DGKB: variants seen among roughly 807,000 people sequenced by gnomAD.
DGKB encodes the protein 90 kDa diacylglycerol kinase.
Under a neutral mutation model 114.3 loss-of-function variants are expected in DGKB, and 67 were observed. The observed-to-expected ratio is 0.59, with a 90% CI of 0.48 to 0.72. The LOEUF is 0.72. Among genes scored for constraint, DGKB ranks in the 30% least tolerant of loss-of-function variants. The pLI, the probability that DGKB is intolerant of heterozygous loss-of-function variation, is 0.00. For synonymous variants in DGKB, 398 were observed against 323.1 expected, an observed-to-expected ratio of 1.23 and a Z score of -2.49; for missense variants, 907 against 975.2, an observed-to-expected ratio of 0.93 and a Z score of 0.93.
At chr7:14,447,678 C>A (rs1230843159) in intron 21 of DGKB, among the ~76,000 whole-genome samples, 2 of 152,056 alleles carry the variant, frequency 1.3e-5, no homozygotes, top group African/African-American at 4.8e-5. Context: ...CCGGATCTCA[C>A]AGATGAAAAT....
chr7:14,436,351 A>G (rs1829262388), intron 21 of DGKB, among the ~76,000 whole-genome samples: 1 of 152,178 alleles, frequency 6.6e-6, no homozygotes, highest in Non-Finnish European at 1.5e-5. Context: ...TATTAAATAA[A>G]TACAGGCAAA....
chr7:14,168,323 C>T (rs1784901639), intron 25 of DGKB, among the ~76,000 whole-genome samples: 1 of 152,112 alleles, frequency 6.6e-6, no homozygotes, highest in South Asian at 2.1e-4. Flanking sequence ...TGAGACAATA[C>T]ATAAAGTGCT....
intron 21 of DGKB, among the ~76,000 whole-genome samples, chr7:14,407,895 A>G (rs1583704200): frequency 6.6e-6 from 1 of 152,158 alleles, no homozygotes; most frequent in South Asian, 2.1e-4. Context: ...AAAAAAAACC[A>G]TGATCCTCTC....
In DGKB at chr7:14,293,165, A is replaced by G. The variant is rs191585970; in HGVS notation, c.2122+45350T>C. On this transcript the variant is annotated intron_variant, in intron 23 of 25. Coordinates refer to ENST00000402815, the MANE Select transcript of DGKB (RefSeq NM_001350709.2). ...ACATGGTCAGTTTAATACATGCATT[A>G]TGTTAACAAAATTTCAATTATTGAA... Among the ~76,000 whole-genome samples, 284 of 152,296 alleles carry G rather than the reference A, an allele frequency of 1.9e-3. 1 individual carries two copies. The highest frequency in any genetic ancestry group is 6.6e-3 in the African/African-American group (275 of 41,576).
chr7:14,522,361 C>T lies in DGKB; in HGVS notation c.1771-44136G>A, dbSNP rs1197889732. 5.3e-5 allele frequency among the ~76,000 whole-genome samples: 8 copies of T among 152,208 alleles called. No individual in the cohort carries two copies. In the South Asian group the frequency reaches 8.3e-4, roughly 16 times the overall value. On this transcript the variant is annotated intron_variant, in intron 20 of 25. Transcript: ENST00000402815. ...TCCAGTCAACCTGAGATATATGCGG[C>T]GTTTATCAAGCCATCTTTGACTGTC...
intron 23 of DGKB, among the ~76,000 whole-genome samples, chr7:14,194,943 A>G (rs530889337): frequency 6.6e-6 from 1 of 151,822 alleles, no homozygotes; most frequent in African/African-American, 2.4e-5. Context: ...TCACTGTGTT[A>G]TAGTGTACTT....
chr7:14,682,932 C>A, intron 10 of DGKB, 91 bp from the exon 11 acceptor site: 2 of 825,994 alleles, frequency 2.4e-6, no homozygotes, highest in Admixed American at 2.1e-5. Context: ...AACCTCATTT[C>A]ATATCCACTG....
Position 14,753,984 on chromosome 7 carries a change from A to AT in DGKB, c.148-37dup, listed in dbSNP as rs770546525. 5.7e-6 allele frequency: 8 copies of AT among 1,405,534 alleles called. No individual in the cohort carries two copies. In the South Asian group the frequency reaches 8.6e-5, roughly 15 times the overall value. 87.1% of individuals were successfully genotyped at this position (1,405,534 alleles called of 1,614,324 possible). A position where few individuals can be genotyped will look rare whatever the true frequency, so the allele number is the denominator to read the frequency against. ...AAGGAAAGAAAGAATACATGTGTTA[A>AT]TGTAAGATACTTTATACTCATTATC... is the stretch of plus-strand genomic sequence containing the variant. On this transcript the variant is annotated intron_variant, in intron 3 of 25. Coordinates refer to ENST00000402815, the MANE Select transcript of DGKB (RefSeq NM_001350709.2).
At chr7:14,348,089 A>T (rs1475686975) in intron 21 of DGKB, among the ~76,000 whole-genome samples, 1 of 151,976 alleles carries the variant, frequency 6.6e-6, no homozygotes, top group Non-Finnish European at 1.5e-5. Context: ...TGATACAGTT[A>T]AGATGCAGAA....
intron 21 of DGKB, among the ~76,000 whole-genome samples, chr7:14,435,348 A>G (rs1209844334): frequency 6.6e-6 from 1 of 152,108 alleles, no homozygotes; most frequent in Non-Finnish European, 1.5e-5. Flanking sequence ...AGAAGAACGC[A>G]GTATGTAGAG....
chr7:14,750,676 T>C (rs1833969217), intron 4 of DGKB, among the ~76,000 whole-genome samples: 1 of 152,162 alleles, frequency 6.6e-6, no homozygotes, highest in Non-Finnish European at 1.5e-5. Flanking sequence ...TTATAATTTC[T>C]TTCACCTATA....
At chr7:14,675,195 T>C (rs938547970) in intron 12 of DGKB, among the ~76,000 whole-genome samples, 1 of 152,100 alleles carries the variant, frequency 6.6e-6, no homozygotes, top group Non-Finnish European at 1.5e-5. Flanking sequence ...GATTACAGTG[T>C]AAAGCTAAAC....
At chr7:14,573,334 A>T (rs1036588045) in intron 20 of DGKB, among the ~76,000 whole-genome samples, 1 of 152,156 alleles carries the variant, frequency 6.6e-6, no homozygotes, top group African/African-American at 2.4e-5. Context: ...AATAACCAGC[A>T]TGGCACAGAT....
chr7:14,240,920 A>G (rs1044971504), intron 23 of DGKB, among the ~76,000 whole-genome samples: 1 of 152,084 alleles, frequency 6.6e-6, no homozygotes, highest in African/African-American at 2.4e-5. Context: ...TGTTTAGGTA[A>G]TCACTAAGCC....
At chr7:14,417,920 G>C (rs1486752148) in intron 21 of DGKB, among the ~76,000 whole-genome samples, 2 of 151,084 alleles carry the variant, frequency 1.3e-5, no homozygotes, top group Non-Finnish European at 3.0e-5. Flanking sequence ...AAACCTTCTA[G>C]AATTCATTAT....
chr7:14,495,776 G>T (rs1785216671), intron 20 of DGKB, among the ~76,000 whole-genome samples: 1 of 151,780 alleles, frequency 6.6e-6, no homozygotes, highest in African/African-American at 2.4e-5. Flanking sequence ...ATTCTAGGAA[G>T]CCTAGCTAGA....
intron 5 of DGKB, among the ~76,000 whole-genome samples, chr7:14,730,723 G>A (rs906095500): frequency 1.1e-4 from 16 of 152,126 alleles, no homozygotes; most frequent in Admixed American, 4.6e-4. Context: ...GGTTACTTCA[G>A]GTGGGAATGA....
At chr7:14,607,861 T>C (rs943161860) in intron 16 of DGKB, among the ~76,000 whole-genome samples, 21 of 151,978 alleles carry the variant, frequency 1.4e-4, no homozygotes, top group Non-Finnish European at 3.1e-4. Flanking sequence ...TATTTCAGTA[T>C]AAAATTGCCT....
At chr7:14,488,313 G>A (rs1262018820) in intron 20 of DGKB, among the ~76,000 whole-genome samples, 3 of 152,060 alleles carry the variant, frequency 2.0e-5, no homozygotes, top group Non-Finnish European at 4.4e-5. Context: ...GCCAGAAAAC[G>A]TCTGTAATGG....
Sources: allele counts gnomAD v4.1 joint callset (sites outside exome capture counted in the v4.1 genomes callset), GRCh38; gene constraint gnomAD v4.1.1; transcripts MANE v1.5; gene names NCBI Gene and HGNC (gene_info 2026-07-23, HGNC 2026-07-21).